FBXO15: variants seen among roughly 807,000 people sequenced by gnomAD.
FBXO15 encodes F-box protein 15, also known as F-box only protein 15.
In FBXO15, 30 loss-of-function variants were observed where a neutral mutation model predicts 49.5. That is an observed-to-expected ratio of 0.61 (90% CI 0.45 to 0.82). FBXO15 has a LOEUF of 0.82. Ranked by LOEUF, FBXO15 falls within the 40% of genes least tolerant of loss-of-function variation. The probability of loss-of-function intolerance (pLI) is 0.00; values close to 1 mark genes in which losing one functional copy is unlikely to be tolerated. For synonymous variants in FBXO15, 250 were observed against 232.7 expected (o/e 1.07, Z -0.68); for missense variants, 591 against 631.5 (o/e 0.94, Z 0.69).
At chr18:74,111,335 G>A (rs1029918046) in intron 8 of FBXO15, among the ~76,000 whole-genome samples, 3 of 150,440 alleles carry the variant, frequency 2.0e-5, no homozygotes, top group Admixed American at 6.6e-5. Flanking sequence ...ATCATACAAC[G>A]TCTGCAAACT....
rs575170843 is a variant in FBXO15, at chr18:74,082,167, G to A, written c.1139-116C>T. On this transcript the variant is annotated intron_variant, in intron 8 of 9. Transcript: ENST00000419743. ...CACCCTGGTAAGCCCTGGCCTCAGC[G>A]ATGAGGGCAACATGGGCACAGCAAT... 1.2e-4 allele frequency: 118 copies of A among 1,014,938 alleles called. 1 individual carries two copies. The highest frequency in any genetic ancestry group is 1.1e-3 in the African/African-American group (69 of 61,362). The allele number at this position is 1,014,938 out of a possible 1,614,324, so 62.9% of individuals were successfully genotyped here. A position where few individuals can be genotyped will look rare whatever the true frequency, so the allele number is the denominator to read the frequency against.
In FBXO15 at chr18:74,074,009, T is replaced by A. The variant is rs1420042653; in HGVS notation, c.1264-279A>T. Among the ~76,000 whole-genome samples the A allele has an allele frequency of 6.6e-6, 1 of 152,156 alleles. No homozygotes were observed. Among genetic ancestry groups the A allele is most frequent in the Admixed American group, 6.5e-5 (1 of 15,284 alleles). On this transcript the variant is annotated intron_variant, in intron 9 of 9. Transcript: ENST00000419743. The surrounding 1 kb of genome is among the most constrained non-coding windows in gnomAD (Gnocchi z 4.7). ...GCTCAGAGAAATGTGTCACAAATAT[T>A]GTCCCTCTCCTCATGGAAGTTAAAG...
intron 8 of FBXO15, chr18:74,096,982 C>T (rs1332016531): frequency 2.6e-5 from 4 of 152,188 alleles, no homozygotes; most frequent in African/African-American, 9.7e-5. Flanking sequence ...AGGTCTAGAT[C>T]ACGGGAGAAG....
chr18:74,090,008 T>C (rs574286389), intron 8 of FBXO15, among the ~76,000 whole-genome samples: 1 of 152,300 alleles, frequency 6.6e-6, no homozygotes, highest in South Asian at 2.1e-4. Context: ...CTCTTCTTTA[T>C]ACAGCTGGTA....
At chr18:74,123,632 T>C in intron 7 of FBXO15, 122 bp from the exon 8 acceptor site, 1 of 1,017,994 alleles carries the variant, frequency 9.8e-7, no homozygotes, top group South Asian at 1.7e-5. Context: ...CAAATGAAAC[T>C]CCATAGGATT....
At chr18:74,090,906 C>T (rs370705159) in intron 8 of FBXO15, among the ~76,000 whole-genome samples, 2 of 151,898 alleles carry the variant, frequency 1.3e-5, no homozygotes, top group Non-Finnish European at 2.9e-5. Context: ...GTGTTCTGTA[C>T]ATGGCTATTT....
chr18:74,103,836 A>G (rs1568165704), intron 8 of FBXO15, among the ~76,000 whole-genome samples: 1 of 152,342 alleles, frequency 6.6e-6, no homozygotes. Context: ...AGCTGAGGCA[A>G]TTCACCAACA....
chr18:74,088,560 A>G (rs924796727), intron 8 of FBXO15, among the ~76,000 whole-genome samples: 3 of 152,044 alleles, frequency 2.0e-5, no homozygotes, highest in Admixed American at 6.6e-5. Flanking sequence ...CCATTGGTCT[A>G]TGTGTCTGTT....
chr18:74,106,525 A>G lies in FBXO15; in HGVS notation c.1138+16843T>C, dbSNP rs72972530. On this transcript the variant is annotated intron_variant, in intron 8 of 9. Transcript: ENST00000419743. ...AAGCACATGTGAAGCATTCTTTAGT[A>G]CCTCATAAGGTAGGTACTAATGTTT... 3.0e-3 allele frequency among the ~76,000 whole-genome samples: 461 copies of G among 152,314 alleles called. 3 individuals are homozygous for G. Among genetic ancestry groups the G allele is most frequent in the South Asian group, 0.02 (99 of 4,832 alleles).
chr18:74,073,822 G>C, intron 9 of FBXO15, 92 bp from the exon 10 acceptor site: 1 of 1,443,406 alleles, frequency 6.9e-7, no homozygotes, highest in Non-Finnish European at 9.4e-7. Context: ...CACTAGAAAT[G>C]CTGCGTGTGG....
At chr18:74,106,653 G>A (rs538719857) in intron 8 of FBXO15, among the ~76,000 whole-genome samples, 6 of 152,108 alleles carry the variant, frequency 3.9e-5, no homozygotes, top group African/African-American at 1.4e-4. Flanking sequence ...CCCTTAAACA[G>A]CCTGCAATAT....
chr18:74,084,420 G>A (rs897521447), intron 8 of FBXO15, among the ~76,000 whole-genome samples: 29 of 152,250 alleles, frequency 1.9e-4, no homozygotes, highest in South Asian at 8.3e-4. Flanking sequence ...GGCAGAGGCA[G>A]TGGCAGGGGC....
chr18:74,086,163 T>C (rs577284380), intron 8 of FBXO15, among the ~76,000 whole-genome samples: 1 of 151,982 alleles, frequency 6.6e-6, no homozygotes, highest in African/African-American at 2.4e-5. Context: ...AAAATTAATA[T>C]CAAGAAACTT....
At chr18:74,113,323 A>C (rs1336868259) in intron 8 of FBXO15, among the ~76,000 whole-genome samples, 1 of 152,214 alleles carries the variant, frequency 6.6e-6, no homozygotes, top group East Asian at 1.9e-4. Flanking sequence ...TGAAGCTCAG[A>C]GGATTTTTAG....
At chr18:74,091,892 G>A (rs1359377519) in intron 8 of FBXO15, among the ~76,000 whole-genome samples, 3 of 152,116 alleles carry the variant, frequency 2.0e-5, no homozygotes, top group Admixed American at 2.0e-4. Context: ...GTTTCACAAG[G>A]GTTCTCTGCA....
At chr18:74,096,712 T>A (rs540066880) in intron 8 of FBXO15, among the ~76,000 whole-genome samples, 30 of 150,188 alleles carry the variant, frequency 2.0e-4, no homozygotes, top group Non-Finnish European at 3.4e-4. Flanking sequence ...AAGATGGCGA[T>A]ATGTGAGCTT....
At position 74,147,757 on chromosome 18, in the gene FBXO15, T is replaced by C. The variant is rs1189185539; in HGVS notation, c.29A>G (p.Gln10Arg). The C allele has an allele frequency of 6.5e-7, 1 of 1,535,876 alleles. No homozygotes were observed. The highest frequency in any genetic ancestry group is 1.4e-5 in the African/African-American group (1 of 71,952). Residue 10 changes from glutamine to arginine, a missense_variant, in exon 1 of 10, where the codon CAG (glutamine) becomes CGG (arginine). Physicochemically the swap from Gln to Arg is conservative, Grantham distance 43 (BLOSUM62 1). Coordinates refer to ENST00000419743, the MANE Select transcript of FBXO15 (RefSeq NM_001142958.2). ...CGTCTGGAGGCCGAGCCAGTGCTGCTGCAAGATCCGACCGCGTCCAGTCGC... is the reference window on the plus strand; with the variant it reads ...CGTCTGGAGGCCGAGCCAGTGCTGCCGCAAGATCCGACCGCGTCCAGTCGC... MATGRGRIL[Q>R]QHWLGLQTLR... is the part of the protein sequence containing the mutation.
chr18:74,140,148 A>C, intron 2 of FBXO15, 54 bp downstream of exon 2: 1 of 1,438,974 alleles, frequency 6.9e-7, no homozygotes, highest in Non-Finnish European at 9.5e-7. Flanking sequence ...AACTTTCTCT[A>C]ATAACCCCAT....
At chr18:74,131,112 T>G (rs1048203337) in intron 3 of FBXO15, among the ~76,000 whole-genome samples, 1 of 152,128 alleles carries the variant, frequency 6.6e-6, no homozygotes, top group Non-Finnish European at 1.5e-5. Context: ...TGAACACTCT[T>G]TTTGCTATTT....
Sources: gnomAD v4.1 joint callset for allele counts (sites outside exome capture counted in the v4.1 genomes callset) on GRCh38, gnomAD v4.1.1 for gene constraint, Gnocchi (gnomAD v3.1) non-coding constraint, MANE v1.5 for transcripts, NCBI Gene and HGNC (gene_info 2026-07-23, HGNC 2026-07-21) for gene names.